Variants in SYTL5 observed in about 807,000 individuals in gnomAD.
SYTL5 encodes the protein synaptotagmin-like protein 5.
SYTL5 carries 34 observed loss-of-function variants against 55.9 expected under a neutral mutation model. That is an observed-to-expected ratio of 0.61 (90% CI 0.46 to 0.81). The LOEUF (loss-of-function observed/expected upper bound fraction) is 0.81. Ranked by LOEUF, SYTL5 falls within the 30% of genes least tolerant of loss-of-function variation. The pLI is 0.00. For synonymous variants in SYTL5, 221 were observed against 188.7 expected (o/e 1.17, Z -1.40); for missense variants, 637 against 546.7 (o/e 1.17, Z -1.65).
At chrX:37,922,421 T>G in the SYTL5 span, among the ~76,000 whole-genome samples, 4 of 112,249 alleles carry the variant, frequency 3.6e-5, no homozygotes, top group African/African-American at 1.3e-4. Context: ...TTCCAGTTGA[T>G]GATCCATTTT....
the SYTL5 span, among the ~76,000 whole-genome samples, chrX:37,958,323 C>T: frequency 9.0e-6 from 1 of 111,440 alleles, no homozygotes; most frequent in Non-Finnish European, 1.9e-5. Flanking sequence ...TAATAGCCTT[C>T]TGGCTGTGTC....
chrX:38,093,824 G>A (rs1380156621), intron 7 of SYTL5, among the ~76,000 whole-genome samples: 1 of 109,590 alleles, frequency 9.1e-6, no homozygotes, highest in Non-Finnish European at 1.9e-5. Flanking sequence ...AGATGGAAAA[G>A]GTACATGACA....
At chrX:37,890,130 G>C in the SYTL5 span, among the ~76,000 whole-genome samples, 1 of 110,436 alleles carries the variant, frequency 9.1e-6, no homozygotes, top group Non-Finnish European at 1.9e-5. Context: ...ATTCTTAACA[G>C]GACCTTTTTA....
intron 1 of SYTL5, among the ~76,000 whole-genome samples, chrX:38,025,367 C>T (rs1443725352): frequency 8.9e-6 from 1 of 112,007 alleles, no homozygotes; most frequent in Admixed American, 9.5e-5. Flanking sequence ...ATTCAAATAT[C>T]GGCCCCTATT....
At position 38,091,555 on chromosome X, in the gene SYTL5, A is replaced by T. The variant is rs192961900; in HGVS notation, c.831+1968A>T. ...ATGCGGGGGCCCTTCTATGTCATGC[A>T]CTAAACCTGAATTATGGGGAAACCT... On this transcript the variant is annotated intron_variant, in intron 7 of 16. Coordinates refer to ENST00000297875, the MANE Select transcript of SYTL5 (RefSeq NM_138780.3). Among the ~76,000 whole-genome samples the T allele has an allele frequency of 2.8e-4, 31 of 111,449 alleles. No homozygotes were observed. The East Asian group carries it at 6.8e-3, about 24-fold the overall frequency.
the SYTL5 span, among the ~76,000 whole-genome samples, chrX:37,961,850 A>C: frequency 8.9e-6 from 1 of 111,819 alleles, no homozygotes; most frequent in African/African-American, 3.2e-5. Context: ...TAAGAGTAAC[A>C]CTTTAACTCA....
At chrX:37,937,030 A>G in the SYTL5 span, among the ~76,000 whole-genome samples, 1 of 90,147 alleles carries the variant, frequency 1.1e-5, no homozygotes, top group African/African-American at 4.0e-5. Flanking sequence ...AGCCTGGGCA[A>G]CAGAGCAAGA....
At chrX:37,982,028 C>G in the SYTL5 span, among the ~76,000 whole-genome samples, 5 of 111,898 alleles carry the variant, frequency 4.5e-5, no homozygotes, top group African/African-American at 1.6e-4. Context: ...TTCAAAGAAA[C>G]AGGAAAGTAT....
In SYTL5 at chrX:38,056,986, A is replaced by T. The variant is rs1935807008; in HGVS notation, c.329+2564A>T. ...TGCTGTGCAGAAGCTTTTTAACTTG[A>T]TATGATCCTATTTGTTCATGTTTGC... On this transcript the variant is annotated intron_variant, in intron 3 of 16. Coordinates refer to ENST00000297875, the MANE Select transcript of SYTL5 (RefSeq NM_138780.3). Among the ~76,000 whole-genome samples the T allele has an allele frequency of 2.7e-5, 3 of 111,599 alleles. No homozygotes were observed. The Admixed American group carries it at 2.8e-4, about 11-fold the overall frequency.
the SYTL5 span, among the ~76,000 whole-genome samples, chrX:37,947,030 C>T: frequency 9.0e-6 from 1 of 111,069 alleles, no homozygotes; most frequent in African/African-American, 3.3e-5. Context: ...GCCTTACTCT[C>T]TCTCTTGCCC....
chrX:37,946,718 A>C, the SYTL5 span: 3 of 117,768 alleles, frequency 2.5e-5, no homozygotes, highest in African/African-American at 9.7e-5. Flanking sequence ...TTTCGAACAC[A>C]CTTTCAGTTT....
chrX:38,025,478 A>C (rs1934735857), intron 1 of SYTL5, among the ~76,000 whole-genome samples: 1 of 111,992 alleles, frequency 8.9e-6, no homozygotes, highest in African/African-American at 3.2e-5. Flanking sequence ...GATAATCAGA[A>C]GTTAATGACT....
intron 1 of SYTL5, among the ~76,000 whole-genome samples, chrX:38,011,439 G>T (rs1355551850): frequency 9.2e-6 from 1 of 109,122 alleles, no homozygotes; most frequent in Non-Finnish European, 1.9e-5. Flanking sequence ...AGACCATCCT[G>T]GCTAACATGG....
chrX:38,076,692 GT>G lies in SYTL5; in HGVS notation c.682del (p.Ser228GlnfsTer29). The G allele has an allele frequency of 8.3e-7, 1 of 1,210,265 alleles. No homozygotes were observed. The highest frequency in any genetic ancestry group is 1.1e-6 in the Non-Finnish European group (1 of 894,791). On this transcript the variant is annotated frameshift_variant, in exon 6 of 17. Coordinates refer to ENST00000297875, the MANE Select transcript of SYTL5 (RefSeq NM_138780.3). LOFTEE classifies it high-confidence loss of function. ...QHFRSLKSPPGSDRGSTGSSD... is the reference protein window; with the variant it reads ...QHFRSLKSPPXSDRGSTGSSD... The stretch of plus-strand genomic sequence containing the variant: ...TTTCGGAGTTTAAAATCACCTCCTG[GT>G]TCAGACAGGTAAGAGTCATACAGAT...
chrX:37,971,024 T>A, the SYTL5 span, among the ~76,000 whole-genome samples: 1 of 112,415 alleles, frequency 8.9e-6, no homozygotes, highest in Non-Finnish European at 1.9e-5. Flanking sequence ...AGATTTCACT[T>A]AAGTCACATG....
the SYTL5 span, among the ~76,000 whole-genome samples, chrX:37,937,442 T>C: frequency 9.0e-6 from 1 of 111,273 alleles, no homozygotes; most frequent in African/African-American, 3.3e-5. Context: ...TGAGGGAGGC[T>C]GTCAGCTGCC....
At chrX:37,990,682 A>T in the SYTL5 span, 2,383 of 775,213 alleles carry the variant, frequency 3.1e-3, 7 homozygotes, top group Non-Finnish European at 3.0e-3. Flanking sequence ...CAATGAAATC[A>T]CAAAGTCTAG....
chrX:38,062,388 A>G (rs375210235), intron 3 of SYTL5, among the ~76,000 whole-genome samples: 2 of 112,253 alleles, frequency 1.8e-5, no homozygotes, highest in East Asian at 5.5e-4. Flanking sequence ...AATTAGGAAG[A>G]TCCTGATGAT....
chrX:38,004,140 T>C (rs140358330), upstream of SYTL5, among the ~76,000 whole-genome samples: 1,120 of 111,927 alleles, frequency 0.01, 10 homozygotes, highest in Non-Finnish European at 0.014. Flanking sequence ...CTCTGTAGGT[T>C]GGCTCTTCAC....
Sources: gnomAD v4.1 joint callset for allele counts (sites outside exome capture counted in the v4.1 genomes callset) on GRCh38, gnomAD v4.1.1 for gene constraint, MANE v1.5 for transcripts, NCBI Gene and HGNC (gene_info 2026-07-23, HGNC 2026-07-21) for gene names.